Variants in SEZ6L observed in about 807,000 individuals in gnomAD.
The protein encoded by SEZ6L is seizure related 6 homolog like, also known as seizure 6-like protein.
Under a neutral mutation model 106.2 loss-of-function variants are expected in SEZ6L, and 37 were observed. That is an observed-to-expected ratio of 0.35 (90% CI 0.27 to 0.46). SEZ6L has a LOEUF of 0.46. Ranked by LOEUF, SEZ6L falls within the 20% of genes least tolerant of loss-of-function variation. SEZ6L has a pLI of 1.00. For synonymous variants in SEZ6L, 541 were observed against 570.4 expected (o/e 0.95, Z 0.73); for missense variants, 1,172 against 1,332.8 (o/e 0.88, Z 1.88).
chr22:26,326,315 C>T (rs1422726329), intron 9 of SEZ6L, among the ~76,000 whole-genome samples: 3 of 152,184 alleles, frequency 2.0e-5, no homozygotes, highest in Non-Finnish European at 4.4e-5. Flanking sequence ...GCTTGTTTTA[C>T]GAGTCCCTGA....
chr22:26,243,407 G>A (rs1045392597), intron 1 of SEZ6L, among the ~76,000 whole-genome samples: 3 of 152,222 alleles, frequency 2.0e-5, no homozygotes, highest in Non-Finnish European at 2.9e-5. Context: ...TGAGCAGAGA[G>A]AGCTGAGTGA....
chr22:26,353,670 A>C (rs1319750901), intron 12 of SEZ6L, among the ~76,000 whole-genome samples: 1 of 152,160 alleles, frequency 6.6e-6, no homozygotes, highest in East Asian at 1.9e-4. Context: ...TTGATTGGAC[A>C]TAGCGTCTTC....
chr22:26,277,040 G>C (rs77376727), intron 1 of SEZ6L, among the ~76,000 whole-genome samples: 5 of 152,088 alleles, frequency 3.3e-5, no homozygotes, highest in South Asian at 2.1e-4. Flanking sequence ...GCCCATTCGT[G>C]GGGGAGAAGC....
intron 1 of SEZ6L, among the ~76,000 whole-genome samples, chr22:26,269,486 C>T (rs551635361): frequency 1.3e-5 from 2 of 151,824 alleles, no homozygotes; most frequent in East Asian, 3.9e-4. Context: ...GAACCCTAAC[C>T]TCGTTGTTTG....
chr22:26,250,636 G>A (rs2079542909), intron 1 of SEZ6L, among the ~76,000 whole-genome samples: 1 of 152,084 alleles, frequency 6.6e-6, no homozygotes, highest in Non-Finnish European at 1.5e-5. Flanking sequence ...GATTGCTTTG[G>A]CTATTCGGGA....
At chr22:26,281,434 G>C (rs2080764968) in intron 1 of SEZ6L, among the ~76,000 whole-genome samples, 1 of 149,878 alleles carries the variant, frequency 6.7e-6, no homozygotes, top group African/African-American at 2.5e-5. Context: ...GAGTGCAGTG[G>C]CGCCATCTCG....
chr22:26,372,272 G>C (rs908429093), intron 13 of SEZ6L, among the ~76,000 whole-genome samples: 2 of 152,122 alleles, frequency 1.3e-5, no homozygotes, highest in Non-Finnish European at 2.9e-5. Flanking sequence ...ATGCCCTGTG[G>C]GGTTCATGAG....
At chr22:26,268,477 A>G (rs1441368460) in intron 1 of SEZ6L, among the ~76,000 whole-genome samples, 2 of 152,214 alleles carry the variant, frequency 1.3e-5, no homozygotes, top group East Asian at 3.8e-4. Flanking sequence ...GTCTTTCTCC[A>G]GTCCAGCACA....
intron 1 of SEZ6L, among the ~76,000 whole-genome samples, chr22:26,234,490 G>A (rs926920): frequency 0.51 from 77,699 of 152,046 alleles, 20,512 homozygotes; most frequent in South Asian, 0.68. Context: ...ATTGGTTGAC[G>A]TGCTCCTTGG....
intron 1 of SEZ6L, among the ~76,000 whole-genome samples, chr22:26,183,482 T>G (rs2123781766): frequency 6.6e-6 from 1 of 152,274 alleles, no homozygotes; most frequent in South Asian, 2.1e-4. Context: ...CCTATAGCCC[T>G]AGTTGCTATT....
chr22:26,375,459 C>G (rs1160784399), intron 14 of SEZ6L, 116 bp from the exon 15 acceptor site: 2 of 784,894 alleles, frequency 2.5e-6, no homozygotes, highest in East Asian at 2.6e-5. Context: ...CTAAGGCCCT[C>G]CCAGAGCCTT....
At chr22:26,243,670 A>G (rs529641450) in intron 1 of SEZ6L, among the ~76,000 whole-genome samples, 180 of 152,308 alleles carry the variant, frequency 1.2e-3, no homozygotes, top group Non-Finnish European at 9.7e-4. Flanking sequence ...TACGTTTTAT[A>G]AGGATCACTC....
Position 26,294,435 on chromosome 22 carries a change from G to A in SEZ6L, c.969+10G>A. The A allele has an allele frequency of 6.2e-7, 1 of 1,613,152 alleles. No individual in the cohort carries two copies. Among genetic ancestry groups the A allele is most frequent in the African/African-American group, 1.3e-5 (1 of 75,006 alleles). Reference sequence around the variant, plus strand: ...TGGGGTGGAGCTCCAGGTAACCCCAGGAGAGTACCTCACAGAGGCTGCCTC... The same window carrying A: ...TGGGGTGGAGCTCCAGGTAACCCCAAGAGAGTACCTCACAGAGGCTGCCTC... On this transcript the variant is annotated intron_variant, in intron 3 of 16. Transcript: ENST00000248933.
At chr22:26,343,082 T>C (rs1601554961) in intron 10 of SEZ6L, among the ~76,000 whole-genome samples, 1 of 152,320 alleles carries the variant, frequency 6.6e-6, no homozygotes, top group Admixed American at 6.5e-5. Flanking sequence ...TACAATTTCT[T>C]GTGGGTTCCC....
chr22:26,311,235 G>T (rs568663478), intron 7 of SEZ6L, among the ~76,000 whole-genome samples: 1 of 152,192 alleles, frequency 6.6e-6, no homozygotes, highest in Non-Finnish European at 1.5e-5. Flanking sequence ...GTGCTGGGGA[G>T]CCCTGAAGCT....
chr22:26,319,992 T>C (rs2082110364), intron 9 of SEZ6L, among the ~76,000 whole-genome samples: 1 of 152,124 alleles, frequency 6.6e-6, no homozygotes, highest in African/African-American at 2.4e-5. Context: ...TCTGGGGACA[T>C]GGCCTCCATT....
At chr22:26,274,946 C>T (rs1048685444) in intron 1 of SEZ6L, among the ~76,000 whole-genome samples, 1 of 152,206 alleles carries the variant, frequency 6.6e-6, no homozygotes, top group Non-Finnish European at 1.5e-5. Context: ...GGCCAAGGCC[C>T]CCACCATCAA....
intron 1 of SEZ6L, among the ~76,000 whole-genome samples, chr22:26,248,881 C>T (rs1362967969): frequency 1.3e-5 from 2 of 152,212 alleles, no homozygotes; most frequent in Admixed American, 1.3e-4. Context: ...CTATGCAAGA[C>T]TGCCTTCCTA....
rs934146789 is a variant in SEZ6L, at chr22:26,334,465, C to T, written c.2016-5971C>T. ...CTGCGGCGTGGGCCAGTGCTGCATT[C>T]CTTTTTATGGCTGAATAATAACTCC... On this transcript the variant is annotated intron_variant, in intron 9 of 16. Coordinates refer to ENST00000248933, the MANE Select transcript of SEZ6L (RefSeq NM_021115.5). 5.3e-5 allele frequency among the ~76,000 whole-genome samples: 8 copies of T among 152,170 alleles called. 1 individual carries two copies. Among genetic ancestry groups the T allele is most frequent in the African/African-American group, 1.9e-4 (8 of 41,424 alleles).
Sources: gnomAD v4.1 joint callset for allele counts (sites outside exome capture counted in the v4.1 genomes callset) on GRCh38, gnomAD v4.1.1 for gene constraint, MANE v1.5 for transcripts, NCBI Gene and HGNC (gene_info 2026-07-23, HGNC 2026-07-21) for gene names.